PDE9A: variants seen among roughly 807,000 people sequenced by gnomAD.
PDE9A encodes phosphodiesterase 9A.
PDE9A carries 60 observed loss-of-function variants against 87.4 expected under a neutral mutation model. The ratio of observed to expected loss-of-function variants is 0.69; its 90% CI spans 0.56 to 0.85. The LOEUF is 0.85. Among genes scored for constraint, PDE9A ranks in the 40% least tolerant of loss-of-function variants. The probability of loss-of-function intolerance (pLI) is 0.00; values close to 1 mark genes in which losing one functional copy is unlikely to be tolerated. For synonymous variants in PDE9A, 272 were observed against 279.4 expected, an observed-to-expected ratio of 0.97 and a Z score of 0.27; for missense variants, 665 against 779.0, an observed-to-expected ratio of 0.85 and a Z score of 1.74.
Position 42,653,823 on chromosome 21 carries a change from C to T in PDE9A, c.9C>T (p.Ser3=), listed in dbSNP as rs1490672576. ...CAGCCGCCGGGCGCAGGATGGGATC[C>T]GGCTCCTCCAGCTACCGGCCCAAGG... MG[S]GSSSYRPKAI... The change falls in exon 1 of 20, where the codon TCC becomes TCT. Residue 3 remains serine (S), a synonymous_variant. Coordinates refer to ENST00000291539, the MANE Select transcript of PDE9A (RefSeq NM_002606.3). 2 of 1,562,626 alleles carry T rather than the reference C, an allele frequency of 1.3e-6. No individual in the cohort carries two copies. Among genetic ancestry groups the T allele is most frequent in the South Asian group, 1.2e-5 (1 of 85,268 alleles).
chr21:42,749,550 G>C (rs1254580765), intron 8 of PDE9A, among the ~76,000 whole-genome samples: 1 of 152,204 alleles, frequency 6.6e-6, no homozygotes, highest in African/African-American at 2.4e-5. Context: ...TCTGAAACAT[G>C]CCTGGCTCAC....
In PDE9A at chr21:42,751,172, G is replaced by A. The variant is rs139962811; in HGVS notation, c.710G>A (p.Arg237Gln). ...FLDNHKKLTP[R>Q]RDVPTYPKYL... is the part of the protein sequence containing the mutation. The stretch of plus-strand genomic sequence containing the variant: ...GATAACCACAAGAAGTTGACTCCTC[G>A]ACGCGATGTTCCCACTTACCCCAAG... The change falls in exon 9 of 20, where the codon CGA (arginine) becomes CAA (glutamine). Residue 237 changes from arginine (R) to glutamine (Q), a missense_variant. Arg to Gln is a conservative substitution (Grantham distance 43). Coordinates refer to ENST00000291539, the MANE Select transcript of PDE9A (RefSeq NM_002606.3). 8.6e-5 allele frequency: 138 copies of A among 1,612,640 alleles called. No homozygotes were observed. In the African/African-American group the frequency reaches 1.4e-3, roughly 16 times the overall value.
intron 10 of PDE9A, among the ~76,000 whole-genome samples, chr21:42,755,212 C>T (rs2054903322): frequency 6.6e-6 from 1 of 152,238 alleles, no homozygotes; most frequent in African/African-American, 2.4e-5. Context: ...CTTTGACAAG[C>T]TCGGCCGCAG....
At chr21:42,728,320 A>G (rs1010473854) in intron 4 of PDE9A, among the ~76,000 whole-genome samples, 1 of 152,208 alleles carries the variant, frequency 6.6e-6, no homozygotes, top group Non-Finnish European at 1.5e-5. Flanking sequence ...ACTGTATAAT[A>G]TTGGCTGTAA....
intron 1 of PDE9A, among the ~76,000 whole-genome samples, chr21:42,683,538 A>G (rs1032625777): frequency 1.3e-5 from 2 of 152,130 alleles, no homozygotes; most frequent in Non-Finnish European, 2.9e-5. Flanking sequence ...GAAGCAGTCA[A>G]GGATCCCCCC....
At chr21:42,773,653 T>C (rs2057232274) in intron 19 of PDE9A, among the ~76,000 whole-genome samples, 2 of 151,020 alleles carry the variant, frequency 1.3e-5, no homozygotes, top group Admixed American at 6.6e-5. Context: ...CACAAAAAAT[T>C]AGCCGGGCGT....
intron 1 of PDE9A, among the ~76,000 whole-genome samples, chr21:42,677,057 G>A (rs1203519135): frequency 1.3e-5 from 2 of 152,190 alleles, no homozygotes; most frequent in African/African-American, 4.8e-5. Context: ...GAAGGGTAGT[G>A]TGATGGAAAG....
At chr21:42,662,786 C>G (rs1436766266) in intron 1 of PDE9A, among the ~76,000 whole-genome samples, 2 of 142,386 alleles carry the variant, frequency 1.4e-5, no homozygotes, top group Admixed American at 7.0e-5. Flanking sequence ...ACCACACACA[C>G]ACACCAAGCA....
intron 1 of PDE9A, among the ~76,000 whole-genome samples, chr21:42,674,625 G>A (rs1049445739): frequency 2.6e-5 from 4 of 152,102 alleles, no homozygotes; most frequent in African/African-American, 4.8e-5. Flanking sequence ...CCTCCATGCC[G>A]GATTCTGTTC....
At chr21:42,769,574 ACATG>A (rs1444085308) in intron 17 of PDE9A, among the ~76,000 whole-genome samples, 4 of 129,998 alleles carry the variant, frequency 3.1e-5, no homozygotes, top group Non-Finnish European at 6.5e-5. Context: ...ACACACACAC[ACATG>A]CACACAGGTA....
intron 8 of PDE9A, among the ~76,000 whole-genome samples, chr21:42,747,788 C>G (rs2054022513): frequency 6.6e-6 from 1 of 152,220 alleles, no homozygotes; most frequent in Non-Finnish European, 1.5e-5. Context: ...TCTGCAGGAG[C>G]CTGGGGTGGC....
At position 42,702,960 on chromosome 21, in the gene PDE9A, C is replaced by T. The variant is rs1427866689; in HGVS notation, c.262+3949C>T. ...TGCTCAGGGCGCTGGGTCGAGATCACGAAAGGGAAGTGGCAGCAAAGGTGG... is the reference window on the plus strand; with the variant it reads ...TGCTCAGGGCGCTGGGTCGAGATCATGAAAGGGAAGTGGCAGCAAAGGTGG... On this transcript the variant is annotated intron_variant, in intron 4 of 19. Transcript: ENST00000291539. The surrounding 1 kb of genome is among the most constrained non-coding windows in gnomAD (Gnocchi z 4.9). Among the ~76,000 whole-genome samples, 3 of 152,098 alleles carry T rather than the reference C, an allele frequency of 2.0e-5. No individual in the cohort carries two copies. Among genetic ancestry groups the T allele is most frequent in the South Asian group, 2.1e-4 (1 of 4,830 alleles).
intron 4 of PDE9A, among the ~76,000 whole-genome samples, chr21:42,717,802 T>C (rs1205805816): frequency 6.6e-6 from 1 of 151,816 alleles, no homozygotes; most frequent in Non-Finnish European, 1.5e-5. Context: ...TGACTCACTT[T>C]CTTTCTGGCC....
chr21:42,654,637 C>G (rs1022752125), intron 1 of PDE9A, among the ~76,000 whole-genome samples: 19 of 152,180 alleles, frequency 1.2e-4, no homozygotes, highest in Admixed American at 9.8e-4. Flanking sequence ...TCAGGAAGCC[C>G]TTGCAGCTGC....
intron 10 of PDE9A, among the ~76,000 whole-genome samples, chr21:42,756,373 G>A (rs978036187): frequency 2.6e-5 from 4 of 152,216 alleles, no homozygotes; most frequent in Admixed American, 2.0e-4. Context: ...ATCTGGCCAC[G>A]CATGAGGCAC....
chr21:42,676,517 G>T (rs1195448738), intron 1 of PDE9A, among the ~76,000 whole-genome samples: 2 of 152,150 alleles, frequency 1.3e-5, no homozygotes, highest in Non-Finnish European at 2.9e-5. Flanking sequence ...TTATATAAAT[G>T]GGATTACACA....
intron 4 of PDE9A, among the ~76,000 whole-genome samples, chr21:42,726,624 A>ATTTTTTTTTTTTTTTTTTTTTTTTTTT (rs1197356167): frequency 5.1e-5 from 1 of 19,774 alleles, no homozygotes; most frequent in African/African-American, 3.4e-4. Context: ...ATATATATAT[A>ATTTTTTTTTTTTTTTTTTTTTTTTTTT]TTTTTTTTTT....
At chr21:42,744,247 G>A (rs1046574143) in intron 8 of PDE9A, among the ~76,000 whole-genome samples, 1 of 152,178 alleles carries the variant, frequency 6.6e-6, no homozygotes, top group African/African-American at 2.4e-5. Context: ...CAGCTACTTG[G>A]GAAGCTGAGG....
intron 14 of PDE9A, 77 bp from the exon 15 acceptor site, chr21:42,765,304 C>A: frequency 1.3e-6 from 1 of 741,680 alleles, no homozygotes; most frequent in Non-Finnish European, 2.3e-6. Flanking sequence ...GTGCAGGGGG[C>A]TCAGTACACA....
Sources: gnomAD v4.1 joint callset for allele counts (sites outside exome capture counted in the v4.1 genomes callset) on GRCh38, gnomAD v4.1.1 for gene constraint, Gnocchi (gnomAD v3.1) non-coding constraint, MANE v1.5 for transcripts, NCBI Gene and HGNC (gene_info 2026-07-23, HGNC 2026-07-21) for gene names.